The following ACYP2 variants were observed in gnomAD, a reference collection of about 807,000 sequenced individuals.
ACYP2 encodes the protein acylphosphatase 2.
In ACYP2, 12 loss-of-function variants were observed where a neutral mutation model predicts 11.2. The ratio of observed to expected loss-of-function variants is 1.08; its 90% CI spans 0.69 to 1.74. The LOEUF is 1.74. ACYP2 is among the 40% of genes most tolerant of loss of function. The probability of loss-of-function intolerance (pLI) is 0.00; values close to 1 mark genes in which losing one functional copy is unlikely to be tolerated. For synonymous variants in ACYP2, 43 were observed against 32.2 expected (o/e 1.33, Z -1.13); for missense variants, 134 against 101.9 (o/e 1.31, Z -1.35).
intron 6 of ACYP2, among the ~76,000 whole-genome samples, chr2:54,215,594 C>T (rs1340608965): frequency 6.6e-6 from 1 of 152,016 alleles, no homozygotes; most frequent in East Asian, 1.9e-4. Context: ...TAGATAGCTG[C>T]TATTGTGGTT....
chr2:54,039,903 T>A (rs1675135134), intron 2 of ACYP2, among the ~76,000 whole-genome samples: 1 of 149,052 alleles, frequency 6.7e-6, no homozygotes, highest in Admixed American at 6.8e-5. Flanking sequence ...TTGCCCAGGC[T>A]GGAGTGTGGT....
At position 54,227,622 on chromosome 2, in the gene ACYP2, C is replaced by CAA. The variant is rs201968288; in HGVS notation, c.405-77053_405-77052dup. ...CTGGCAACAGAGCAAGACTCCATTT[C>CAA]AAAAAAAAAAAAAATATGCACACTA... On this transcript the variant is annotated intron_variant, in intron 6 of 6. Coordinates refer to ENST00000607452, the MANE Select transcript of ACYP2 (RefSeq NM_001320586.2). 4.8e-4 allele frequency among the ~76,000 whole-genome samples: 69 copies of CAA among 144,278 alleles called. 1 individual carries two copies. Among genetic ancestry groups the CAA allele is most frequent in the East Asian group, 3.0e-3 (15 of 5,046 alleles). 94.7% of individuals were successfully genotyped at this position (144,278 alleles called of 152,430 possible).
At chr2:54,134,312 G>GTAAATAAA (rs199837390) in intron 4 of ACYP2, among the ~76,000 whole-genome samples, 9 of 151,726 alleles carry the variant, frequency 5.9e-5, no homozygotes, top group South Asian at 2.1e-4. Flanking sequence ...AAATAAGTAA[G>GTAAATAAA]TAAATAAATA....
intron 4 of ACYP2, among the ~76,000 whole-genome samples, chr2:54,073,665 T>A (rs1358969144): frequency 6.6e-6 from 1 of 152,142 alleles, no homozygotes; most frequent in Non-Finnish European, 1.5e-5. Flanking sequence ...CTAGAATATG[T>A]AAATAACTAT....
chr2:54,223,625 A>G (rs1052157450), intron 6 of ACYP2, among the ~76,000 whole-genome samples: 1 of 152,202 alleles, frequency 6.6e-6, no homozygotes, highest in East Asian at 1.9e-4. Flanking sequence ...GGATAAGCCA[A>G]ACTACTCTCT....
chr2:54,201,608 C>CTTTCTTTCTTTCTTTCTT, intron 6 of ACYP2, among the ~76,000 whole-genome samples: 1 of 79,896 alleles, frequency 1.3e-5, no homozygotes, highest in African/African-American at 4.8e-5. Context: ...TTCTTTCTTT[C>CTTTCTTTCTTTCTTTCTT]TTTCTTTCTT....
chr2:54,249,188 G>T (rs1175649170), intron 6 of ACYP2, among the ~76,000 whole-genome samples: 1 of 152,114 alleles, frequency 6.6e-6, no homozygotes, highest in East Asian at 1.9e-4. Context: ...GATGGGAAAA[G>T]AGAGATAATA....
At chr2:54,128,014 T>G (rs910172936) in intron 4 of ACYP2, among the ~76,000 whole-genome samples, 4 of 152,226 alleles carry the variant, frequency 2.6e-5, no homozygotes, top group African/African-American at 9.6e-5. Context: ...CATTTTCTTT[T>G]GCAACATCCA....
intron 6 of ACYP2, among the ~76,000 whole-genome samples, chr2:54,227,047 T>A (rs968508673): frequency 6.6e-6 from 1 of 152,226 alleles, no homozygotes; most frequent in African/African-American, 2.4e-5. Context: ...TCTGAAGACG[T>A]ATCTGCAAGC....
intron 6 of ACYP2, among the ~76,000 whole-genome samples, chr2:54,200,774 G>A (rs533585229): frequency 9.9e-5 from 15 of 152,236 alleles, no homozygotes; most frequent in African/African-American, 3.6e-4. Context: ...GTATTCCTAG[G>A]AGTAGAATTG....
At position 54,302,690 on chromosome 2, in the gene ACYP2, C is replaced by T. The variant is rs1472715863; in HGVS notation, c.405-1998C>T. On this transcript the variant is annotated intron_variant, in intron 6 of 6. Coordinates refer to ENST00000607452, the MANE Select transcript of ACYP2 (RefSeq NM_001320586.2). Reference sequence around the variant, plus strand: ...AACAGACATCTCAAATGTAACATTCCAAAACTGAGCCTCTGATCTTCCCCT... The same window carrying T: ...AACAGACATCTCAAATGTAACATTCTAAAACTGAGCCTCTGATCTTCCCCT... 3.9e-5 allele frequency among the ~76,000 whole-genome samples: 6 copies of T among 152,040 alleles called. No individual in the cohort carries two copies. In the East Asian group the frequency reaches 9.7e-4, roughly 24 times the overall value.
intron 4 of ACYP2, among the ~76,000 whole-genome samples, chr2:54,115,961 A>T (rs1472821464): frequency 1.3e-5 from 2 of 150,160 alleles, no homozygotes; most frequent in Non-Finnish European, 2.9e-5. Flanking sequence ...GGGAATGGGG[A>T]GGGAAGTGGG....
At chr2:54,055,622 G>C (rs1012906685) in intron 3 of ACYP2, among the ~76,000 whole-genome samples, 1 of 152,100 alleles carries the variant, frequency 6.6e-6, no homozygotes, top group Non-Finnish European at 1.5e-5. Context: ...TATTTAGGAC[G>C]TGATGGTGGA....
chr2:54,146,439 A>ATTTTTTTTTTTTT (rs11360655), intron 6 of ACYP2, among the ~76,000 whole-genome samples: 1 of 140,614 alleles, frequency 7.1e-6, no homozygotes. Flanking sequence ...CTGATCCTCT[A>ATTTTTTTTTTTTT]TTTTTTTTTT....
intron 2 of ACYP2, among the ~76,000 whole-genome samples, chr2:54,049,455 ACAAAC>A (rs1420494557): frequency 6.6e-6 from 1 of 152,154 alleles, no homozygotes; most frequent in Admixed American, 6.5e-5. Context: ...TTTTAATAAA[ACAAAC>A]CAAACCAAAC....
At chr2:53,991,889 G>A (rs373832071) in intron 2 of ACYP2, among the ~76,000 whole-genome samples, 1 of 151,952 alleles carries the variant, frequency 6.6e-6, no homozygotes, top group Non-Finnish European at 1.5e-5. Flanking sequence ...GCAGACTCGA[G>A]CTCTTGGCCT....
intron 2 of ACYP2, chr2:53,973,855 A>ATGCG (rs1553346035): frequency 8.1e-6 from 1 of 124,210 alleles, no homozygotes; most frequent in Non-Finnish European, 1.5e-5. Flanking sequence ...GGATATATAT[A>ATGCG]TGTGTGTGTG....
intron 4 of ACYP2, among the ~76,000 whole-genome samples, chr2:54,103,473 T>A (rs1051519814): frequency 2.0e-5 from 3 of 152,250 alleles, no homozygotes; most frequent in African/African-American, 7.2e-5. Flanking sequence ...AGTTTGTCAT[T>A]TGCTTCCTAA....
At chr2:54,065,083 C>CCAAA (rs1429962760) in intron 4 of ACYP2, among the ~76,000 whole-genome samples, 5 of 148,816 alleles carry the variant, frequency 3.4e-5, no homozygotes, top group Non-Finnish European at 7.4e-5. Flanking sequence ...GACTCCATCT[C>CCAAA]TAAATAAATA....
Sources: gnomAD v4.1 joint callset for allele counts (sites outside exome capture counted in the v4.1 genomes callset) on GRCh38, gnomAD v4.1.1 for gene constraint, MANE v1.5 for transcripts, NCBI Gene and HGNC (gene_info 2026-07-23, HGNC 2026-07-21) for gene names.